Variants in PRUNE1 observed in about 807,000 individuals in gnomAD.
The protein encoded by PRUNE1 is prune exopolyphosphatase 1.
Under a neutral mutation model 42.5 loss-of-function variants are expected in PRUNE1, and 25 were observed. The ratio of observed to expected loss-of-function variants is 0.59; its 90% CI spans 0.43 to 0.82. The LOEUF is 0.82. Ranked by LOEUF, PRUNE1 falls within the 40% of genes least tolerant of loss-of-function variation. The probability of loss-of-function intolerance (pLI) is 0.00; values close to 1 mark genes in which losing one functional copy is unlikely to be tolerated. For synonymous variants in PRUNE1, 203 were observed against 217.1 expected, an observed-to-expected ratio of 0.93 and a Z score of 0.57; for missense variants, 443 against 539.3, an observed-to-expected ratio of 0.82 and a Z score of 1.77.
In PRUNE1 at chr1:151,035,330, A is replaced by G. The variant is rs1675490637; in HGVS notation, c.*1096A>G. 1 of 152,232 alleles carries G rather than the reference A, an allele frequency of 6.6e-6. No individual in the cohort carries two copies. The highest frequency in any genetic ancestry group is 2.4e-5 in the African/African-American group (1 of 41,430). 9.4% of individuals were successfully genotyped at this position (152,232 alleles called of 1,614,324 possible). ...ATTGTCTGTATTTCTGTGTGGTTGT[A>G]GCAAGGACTCAGCCTCATGTAGCAC... On this transcript the variant is annotated 3_prime_UTR_variant, in exon 8 of 8. Transcript: ENST00000271620.
At position 151,028,902 on chromosome 1, in the gene PRUNE1, G is replaced by A; in HGVS notation, c.891G>A (p.Arg297=). The A allele has an allele frequency of 6.2e-7, 1 of 1,613,756 alleles. No homozygotes were observed. The highest frequency in any genetic ancestry group is 8.5e-7 in the Non-Finnish European group (1 of 1,179,712). Residue 297 remains arginine, a synonymous_variant, in exon 7 of 8, where the codon CGG becomes CGA. Coordinates refer to ENST00000271620, the MANE Select transcript of PRUNE1 (RefSeq NM_021222.3). ...IFFNTHNEPV[R]QLAIFCPHVA... is the part of the protein sequence containing the mutation. ...TCAACACTCACAATGAGCCAGTGCG[G>A]CAGTTGGCTATTTTCTGTCCCCATG...
At chr1:151,027,789 C>T (rs1023092257) in intron 6 of PRUNE1, among the ~76,000 whole-genome samples, 7 of 146,026 alleles carry the variant, frequency 4.8e-5, no homozygotes, top group Admixed American at 6.8e-5. Context: ...TGTGCGCGCG[C>T]GTGTATGTAT....
At chr1:151,030,369 CTCTCATAGAAGGTATGTCTG>C (rs1442152837) in intron 7 of PRUNE1, among the ~76,000 whole-genome samples, 2 of 152,058 alleles carry the variant, frequency 1.3e-5, no homozygotes, top group Non-Finnish European at 2.9e-5. Context: ...TAATCCTTTG[CTCTCATAGAAGGTATGTCTG>C]TCCTTTCCCG....
Position 151,028,845 on chromosome 1 carries a change from C to T in PRUNE1, c.834C>T (p.Ser278=). 1 of 1,614,082 alleles carries T rather than the reference C, an allele frequency of 6.2e-7. No individual in the cohort carries two copies. Among genetic ancestry groups the T allele is most frequent in the Non-Finnish European group, 8.5e-7 (1 of 1,179,912 alleles). Residue 278 remains serine (S), a synonymous_variant, in exon 7 of 8, where the codon AGC becomes AGT. Transcript: ENST00000271620. Reference sequence around the variant, plus strand: ...TCCATGCTTTCTGCCAGGCTCACAGCTATGATGTCCTGGTTGCCATGACTA... The same window carrying T: ...TCCATGCTTTCTGCCAGGCTCACAGTTATGATGTCCTGGTTGCCATGACTA... ...ADLHAFCQAH[S]YDVLVAMTIF...
chr1:151,025,987 C>T (rs1046247812), intron 5 of PRUNE1, among the ~76,000 whole-genome samples: 7 of 151,704 alleles, frequency 4.6e-5, no homozygotes, highest in East Asian at 2.0e-4. Context: ...GTGATCTGCC[C>T]GCCTGGGCCT....
At chr1:151,022,310 A>G (rs1405026566) in intron 3 of PRUNE1, among the ~76,000 whole-genome samples, 2 of 150,914 alleles carry the variant, frequency 1.3e-5, no homozygotes, top group South Asian at 2.1e-4. Context: ...GGGTTTCACC[A>G]TGTTGGCAAG....
At chr1:151,032,617 G>T (rs1320726965) in intron 7 of PRUNE1, among the ~76,000 whole-genome samples, 4 of 151,560 alleles carry the variant, frequency 2.6e-5, no homozygotes. Context: ...GGGAGGCTGA[G>T]GCAGGAGATT....
intron 2 of PRUNE1, chr1:151,018,264 A>G (rs1674220888): frequency 4.0e-6 from 3 of 744,326 alleles, no homozygotes; most frequent in Admixed American, 1.8e-5. Context: ...GGTATTTACC[A>G]TGAGTTACCT....
In PRUNE1 at chr1:151,024,814, T is replaced by C; in HGVS notation, c.520+19T>C. 1 of 1,596,000 alleles carries C rather than the reference T, an allele frequency of 6.3e-7. No homozygotes were observed. Among genetic ancestry groups the C allele is most frequent in the Non-Finnish European group, 8.5e-7 (1 of 1,170,060 alleles). On this transcript the variant is annotated intron_variant, in intron 4 of 7. Coordinates refer to ENST00000271620, the MANE Select transcript of PRUNE1 (RefSeq NM_021222.3). ...CTGCATGGTAAGGGTGGCTTTTGGATTGGGACCTCAGTAGTTCTATTCCTG... is the reference window on the plus strand; with the variant it reads ...CTGCATGGTAAGGGTGGCTTTTGGACTGGGACCTCAGTAGTTCTATTCCTG...
intron 7 of PRUNE1, among the ~76,000 whole-genome samples, chr1:151,030,346 GAA>G (rs1259304596): frequency 1.3e-5 from 2 of 151,712 alleles, no homozygotes; most frequent in Non-Finnish European, 2.9e-5. Flanking sequence ...GCTAAAGACA[GAA>G]TACAGCCAGA....
intron 1 of PRUNE1, among the ~76,000 whole-genome samples, chr1:151,015,583 G>A (rs1259078844): frequency 1.4e-5 from 2 of 141,088 alleles, no homozygotes; most frequent in South Asian, 2.3e-4. Context: ...ACAGTGAGCC[G>A]AGATCACACC....
At chr1:151,008,719 G>A in intron 1 of PRUNE1, 48 bp downstream of exon 1, 1 of 1,607,316 alleles carries the variant, frequency 6.2e-7, no homozygotes, top group Non-Finnish European at 8.5e-7. Flanking sequence ...ACGGGGTCCA[G>A]GAAGGACGAA....
chr1:151,024,662 C>G lies in PRUNE1; in HGVS notation c.387C>G (p.Pro129=), dbSNP rs1264223764. 2 of 1,613,582 alleles carry G rather than the reference C, an allele frequency of 1.2e-6. No homozygotes were observed. Among genetic ancestry groups the G allele is most frequent in the Non-Finnish European group, 1.7e-6 (2 of 1,179,616 alleles). Residue 129 remains proline (P), a synonymous_variant, in exon 4 of 8, where the codon CCC becomes CCG. Coordinates refer to ENST00000271620, the MANE Select transcript of PRUNE1 (RefSeq NM_021222.3). ...EAVAEVLDHR[P]IEPKHCPPCH... ...TAGCAGAGGTGCTAGACCATCGACC[C>G]ATCGAGCCGAAACACTGCCCTCCCT...
intron 3 of PRUNE1, among the ~76,000 whole-genome samples, chr1:151,023,920 C>T (rs1326699499): frequency 1.3e-5 from 2 of 150,938 alleles, no homozygotes; most frequent in African/African-American, 4.9e-5. Context: ...CGGTGGCTCA[C>T]GCCTGTAATC....
chr1:151,018,346 C>A, intron 2 of PRUNE1, 121 bp from the exon 3 acceptor site: 1 of 872,010 alleles, frequency 1.1e-6, no homozygotes, highest in Non-Finnish European at 1.9e-6. Context: ...AGACTGGGTA[C>A]TTATGGCTTT....
In PRUNE1 at chr1:151,018,991, C is replaced by T. The variant is rs191019585; in HGVS notation, c.335+322C>T. On this transcript the variant is annotated intron_variant, in intron 3 of 7. Coordinates refer to ENST00000271620, the MANE Select transcript of PRUNE1 (RefSeq NM_021222.3). ...CTGGAAGGTGGTGGTTGCAGTGAGC[C>T]GAGATCGTGCCACTGCACTCCAGCC... Among the ~76,000 whole-genome samples, 677 of 152,236 alleles carry T rather than the reference C, an allele frequency of 4.4e-3. 3 individuals carry two copies. Among genetic ancestry groups the T allele is most frequent in the African/African-American group, 0.015 (641 of 41,546 alleles).
At chr1:151,025,429 C>G (rs754064374) in intron 4 of PRUNE1, 86 bp from the exon 5 acceptor site, 158 of 1,316,018 alleles carry the variant, frequency 1.2e-4, no homozygotes, top group Middle Eastern at 1.9e-4. Flanking sequence ...TTGTGTGTGT[C>G]CATTTGGTGT....
At position 151,035,471 on chromosome 1, in the gene PRUNE1, T is replaced by A. The variant is rs1675503205; in HGVS notation, c.*1237T>A. ...TAACGCAACCCTTTCCCCTTTTTCC[T>A]ACCCCACAGCTCTGTTCCATGTAAG... On this transcript the variant is annotated 3_prime_UTR_variant, in exon 8 of 8. Transcript: ENST00000271620. 6.6e-6 allele frequency: 1 copy of A among 152,624 alleles called. No homozygotes were observed. Among genetic ancestry groups the A allele is most frequent in the Admixed American group, 6.5e-5 (1 of 15,268 alleles). 9.5% of individuals were successfully genotyped at this position (152,624 alleles called of 1,614,324 possible).
At chr1:151,029,221 C>T (rs1675074868) in intron 7 of PRUNE1, among the ~76,000 whole-genome samples, 1 of 151,262 alleles carries the variant, frequency 6.6e-6, no homozygotes, top group South Asian at 2.1e-4. Context: ...GATTCAATTC[C>T]TACTTTGAAA....
Sources: gnomAD v4.1 joint callset for allele counts (sites outside exome capture counted in the v4.1 genomes callset) on GRCh38, gnomAD v4.1.1 for gene constraint, MANE v1.5 for transcripts, NCBI Gene and HGNC (gene_info 2026-07-23, HGNC 2026-07-21) for gene names.